MYL3: variants seen among roughly 807,000 people sequenced by gnomAD.
MYL3 encodes the protein myosin light chain 3.
Under a neutral mutation model 21.3 loss-of-function variants are expected in MYL3, and 11 were observed. The ratio of observed to expected loss-of-function variants is 0.52; its 90% CI spans 0.32 to 0.85. The LOEUF is 0.85. Ranked by LOEUF, MYL3 falls within the 40% of genes least tolerant of loss-of-function variation. MYL3 has a pLI of 0.03. For missense variants in MYL3, 206 were observed against 253.3 expected (o/e 0.81, Z 1.27); for synonymous variants, 88 against 91.6 (o/e 0.96, Z 0.22).
At chr3:46,876,284 G>C (rs1453388066) in intron 1 of MYL3, among the ~76,000 whole-genome samples, 1 of 152,228 alleles carries the variant, frequency 6.6e-6, no homozygotes, top group African/African-American at 2.4e-5. Context: ...GGGTAGGGCA[G>C]TGCATGTGGA....
At chr3:46,868,010 T>G (rs958307495), upstream of MYL3, among the ~76,000 whole-genome samples, 2 of 152,158 alleles carry the variant, frequency 1.3e-5, no homozygotes, top group Non-Finnish European at 2.9e-5. Flanking sequence ...TGACTAGAGA[T>G]GGCACGAGGC....
Position 46,874,159 on chromosome 3 carries a change from C to T in MYL3, c.-217-7559G>A, listed in dbSNP as rs1037525708. ...TTCCCATACACGGTTTTATAAACTT[C>T]CCTGAGTGCTTCCCCTCTCCAGCCA... is the stretch of plus-strand genomic sequence containing the variant. On this transcript the variant is annotated intron_variant, in intron 1 of 3. Transcript: ENST00000431168. This position sits in a 1 kb window ranked among gnomAD's most constrained non-coding sequence, Gnocchi z 4.1. Among the ~76,000 whole-genome samples the T allele has an allele frequency of 6.6e-6, 1 of 152,216 alleles. No individual in the cohort carries two copies. Among genetic ancestry groups the T allele is most frequent in the Admixed American group, 6.5e-5 (1 of 15,288 alleles).
At chr3:46,873,004 A>G (rs2029997327) in intron 1 of MYL3, among the ~76,000 whole-genome samples, 1 of 152,136 alleles carries the variant, frequency 6.6e-6, no homozygotes, top group Non-Finnish European at 1.5e-5. Flanking sequence ...CCCCCAAGAG[A>G]TGGAGGCTTC....
At chr3:46,881,181 G>C (rs962831475) in intron 1 of MYL3, 1 of 152,236 alleles carries the variant, frequency 6.6e-6, no homozygotes. Flanking sequence ...TCATGCATTC[G>C]CTTCCTCCGC....
upstream of MYL3, among the ~76,000 whole-genome samples, chr3:46,864,376 G>A (rs562037738): frequency 1.3e-5 from 2 of 152,176 alleles, no homozygotes; most frequent in South Asian, 2.1e-4. The surrounding 1 kb of genome is among the most constrained non-coding windows in gnomAD (Gnocchi z 4.7). Context: ...GGCCAGTTCA[G>A]CAGCCTCCCT....
At position 46,861,962 on chromosome 3, in the gene MYL3, G is replaced by A. The variant is rs1293160599; in HGVS notation, c.130-975C>T. 6.6e-6 allele frequency among the ~76,000 whole-genome samples: 1 copy of A among 152,228 alleles called. No individual in the cohort carries two copies. The stretch of plus-strand genomic sequence containing the variant: ...CTCCTGGCTTCTGGCTTGACCCAGT[G>A]TTGGGAAGAACAGGTTGTCATTCCT... On this transcript the variant is annotated intron_variant, in intron 1 of 6. Coordinates refer to ENST00000292327, the MANE Select transcript of MYL3 (RefSeq NM_000258.3). The surrounding 1 kb of genome is among the most constrained non-coding windows in gnomAD (Gnocchi z 4.2).
At chr3:46,864,042 A>G (rs1702023222), upstream of MYL3, among the ~76,000 whole-genome samples, 1 of 149,420 alleles carries the variant, frequency 6.7e-6, no homozygotes, top group South Asian at 2.1e-4. This position sits in a 1 kb window ranked among gnomAD's most constrained non-coding sequence, Gnocchi z 4.7. Context: ...ACCTGTGTGT[A>G]TTGTCTGGGT....
upstream of MYL3, chr3:46,866,480 C>T (rs1052553617): frequency 5.3e-5 from 8 of 152,254 alleles, no homozygotes; most frequent in African/African-American, 9.6e-5. Context: ...AGCCCGGCCA[C>T]GCCGGCCTTC....
rs574430406 is a variant in MYL3, at chr3:46,859,238, G to A, written c.481+237C>T. ...GGGAAGGAGGGGAGCATATCAAGACGGCTCCTTCCTGCCCTGCTCTGTCCC... is the reference window on the plus strand; with the variant it reads ...GGGAAGGAGGGGAGCATATCAAGACAGCTCCTTCCTGCCCTGCTCTGTCCC... On this transcript the variant is annotated intron_variant, in intron 4 of 6. Transcript: ENST00000292327. This position sits in a 1 kb window ranked among gnomAD's most constrained non-coding sequence, Gnocchi z 4.1. Among the ~76,000 whole-genome samples the A allele has an allele frequency of 2.0e-5, 3 of 152,204 alleles. No individual in the cohort carries two copies. Among genetic ancestry groups the A allele is most frequent in the East Asian group, 1.9e-4 (1 of 5,174 alleles).
At position 46,857,901 on chromosome 3, in the gene MYL3, G is replaced by T. The variant is rs1400360139; in HGVS notation, c.*214C>A. 9.8e-6 allele frequency: 4 copies of T among 408,878 alleles called. No homozygotes were observed. Among genetic ancestry groups the T allele is most frequent in the Non-Finnish European group, 1.8e-5 (4 of 223,982 alleles). 25.3% of individuals were successfully genotyped at this position (408,878 alleles called of 1,614,324 possible). A position where few individuals can be genotyped will look rare whatever the true frequency, so the allele number is the denominator to read the frequency against. ...GGCCGGCAAGAAGCCATTTATTCAT[G>T]AGGCCCATGGGGTGGGGACAGAGCT... On this transcript the variant is annotated 3_prime_UTR_variant, in exon 7 of 7. Coordinates refer to ENST00000292327, the MANE Select transcript of MYL3 (RefSeq NM_000258.3). The surrounding 1 kb of genome is among the most constrained non-coding windows in gnomAD (Gnocchi z 5.0).
At chr3:46,864,122 C>T (rs919341880), upstream of MYL3, among the ~76,000 whole-genome samples, 1 of 151,020 alleles carries the variant, frequency 6.6e-6, no homozygotes, top group South Asian at 2.1e-4. The surrounding 1 kb of genome is among the most constrained non-coding windows in gnomAD (Gnocchi z 4.7). Flanking sequence ...AGGGATGGCC[C>T]GGGTGTCTGC....
rs769733070 is a variant in MYL3 at position 46,863,331 on chromosome 3, AGCTGCCTTGGGG to A, written c.48_59del (p.Lys18_Pro21del). ...GCTCAGGGGGAGGTGCGGGAGCTGG[AGCTGCCTTGGGG>A]GCTGCCTTGGCATCATCCTTCTTGG... is the stretch of plus-strand genomic sequence containing the variant. On this transcript the variant is annotated inframe_deletion, in exon 1 of 7. Coordinates refer to ENST00000292327, the MANE Select transcript of MYL3 (RefSeq NM_000258.3). 6.2e-7 allele frequency: 1 copy of A among 1,613,920 alleles called. No homozygotes were observed. Among genetic ancestry groups the A allele is most frequent in the South Asian group, 1.1e-5 (1 of 91,082 alleles).
rs1349159106 is a variant in MYL3 at position 46,858,289 on chromosome 3, A to C, written c.560-17T>G. On this transcript the variant is annotated splice_polypyrimidine_tract_variant and intron_variant, in intron 5 of 6. Transcript: ENST00000292327. ...TCACAAATGCTGGAAAGAAGAGGAGAGTGAGTGGCAGGAGTGCAACATGGG... is the reference window on the plus strand; with the variant it reads ...TCACAAATGCTGGAAAGAAGAGGAGCGTGAGTGGCAGGAGTGCAACATGGG... 1 of 1,614,026 alleles carries C rather than the reference A, an allele frequency of 6.2e-7. No individual in the cohort carries two copies.
In MYL3 at chr3:46,874,553, G is replaced by A. The variant is rs569482945; in HGVS notation, c.-218+7521C>T. Among the ~76,000 whole-genome samples, 23 of 152,254 alleles carry A rather than the reference G, an allele frequency of 1.5e-4. 1 individual carries two copies. The South Asian group carries it at 3.5e-3, about 23-fold the overall frequency. Reference sequence around the variant, plus strand: ...CCCCCTCCTCCCTTCAAACCGCAGGGCCCAGCCGGCCTCTGGAACGCGTGC... The same window carrying A: ...CCCCCTCCTCCCTTCAAACCGCAGGACCCAGCCGGCCTCTGGAACGCGTGC... On this transcript the variant is annotated intron_variant, in intron 1 of 3. Transcript: ENST00000431168. This position sits in a 1 kb window ranked among gnomAD's most constrained non-coding sequence, Gnocchi z 4.1.
At chr3:46,876,986 C>T (rs1358883781) in intron 1 of MYL3, among the ~76,000 whole-genome samples, 1 of 152,166 alleles carries the variant, frequency 6.6e-6, no homozygotes, top group African/African-American at 2.4e-5. Context: ...TTCTACAGAC[C>T]CACAGAGAGA....
Position 46,874,450 on chromosome 3 carries a change from C to T in MYL3, c.-218+7624G>A, listed in dbSNP as rs1258932217. 4.6e-5 allele frequency among the ~76,000 whole-genome samples: 7 copies of T among 152,270 alleles called. No individual in the cohort carries two copies. Among genetic ancestry groups the T allele is most frequent in the East Asian group, 3.9e-4 (2 of 5,170 alleles). Reference sequence around the variant, plus strand: ...GTGTCAGGACTAGGGGTTCTCCACTCGAGGGCTCCCGGCCACAGCCCCCGG... The same window carrying T: ...GTGTCAGGACTAGGGGTTCTCCACTTGAGGGCTCCCGGCCACAGCCCCCGG... On this transcript the variant is annotated intron_variant, in intron 1 of 3. Transcript: ENST00000431168. This position sits in a 1 kb window ranked among gnomAD's most constrained non-coding sequence, Gnocchi z 4.1.
intron 1 of MYL3, among the ~76,000 whole-genome samples, chr3:46,875,582 G>A (rs1264999014): frequency 6.6e-6 from 1 of 152,224 alleles, no homozygotes; most frequent in Non-Finnish European, 1.5e-5. Flanking sequence ...CGTGGCCATG[G>A]AAGGAACCCT....
chr3:46,880,658 C>T (rs555046500), intron 1 of MYL3, among the ~76,000 whole-genome samples: 7 of 151,962 alleles, frequency 4.6e-5, no homozygotes, highest in East Asian at 1.9e-4. Flanking sequence ...GCCTGGGAAG[C>T]GGAGGTTGCA....
rs1466736058 is a variant in MYL3, at chr3:46,874,499, C to A, written c.-218+7575G>T. ...GGCAAGGACCCAGTGTCTGAGCTAA[C>A]CCCCTCCCCACCACCTCCTCCTTCC... On this transcript the variant is annotated intron_variant, in intron 1 of 3. Transcript: ENST00000431168. This position sits in a 1 kb window ranked among gnomAD's most constrained non-coding sequence, Gnocchi z 4.1. Among the ~76,000 whole-genome samples, 1 of 152,168 alleles carries A rather than the reference C, an allele frequency of 6.6e-6. No homozygotes were observed. Among genetic ancestry groups the A allele is most frequent in the African/African-American group, 2.4e-5 (1 of 41,432 alleles).
Sources: gnomAD v4.1 joint callset for allele counts (sites outside exome capture counted in the v4.1 genomes callset) on GRCh38, gnomAD v4.1.1 for gene constraint, Gnocchi (gnomAD v3.1) non-coding constraint, MANE v1.5 for transcripts, NCBI Gene and HGNC (gene_info 2026-07-23, HGNC 2026-07-21) for gene names.